Variants in PANK1 observed in about 807,000 individuals in gnomAD.
PANK1 encodes the protein pantothenic acid kinase 1.
In PANK1, 18 loss-of-function variants were observed where a neutral mutation model predicts 40.1. That is an observed-to-expected ratio of 0.45 (90% CI 0.31 to 0.67). The LOEUF is 0.67. PANK1 is among the 30% of genes least tolerant of loss of function. The probability of loss-of-function intolerance (pLI) is 0.06; values close to 1 mark genes in which losing one functional copy is unlikely to be tolerated. For missense variants in PANK1, 457 were observed against 599.6 expected, an observed-to-expected ratio of 0.76 and a Z score of 2.48; for synonymous variants, 242 against 237.7, an observed-to-expected ratio of 1.02 and a Z score of -0.17.
chr10:89,635,141 T>TAGAG (rs567527672), intron 1 of PANK1, among the ~76,000 whole-genome samples: 1 of 148,756 alleles, frequency 6.7e-6, no homozygotes, highest in Admixed American at 6.7e-5. Flanking sequence ...TATATATATA[T>TAGAG]ATAGAGAGAG....
chr10:89,619,554 A>G (rs1283682446), intron 1 of PANK1, among the ~76,000 whole-genome samples: 1 of 152,178 alleles, frequency 6.6e-6, no homozygotes, highest in East Asian at 1.9e-4. Context: ...GTGAGGCACA[A>G]GTGTTCCTGG....
At chr10:89,622,482 T>G (rs1043562152) in intron 1 of PANK1, among the ~76,000 whole-genome samples, 1 of 152,168 alleles carries the variant, frequency 6.6e-6, no homozygotes, top group Non-Finnish European at 1.5e-5. Flanking sequence ...CTTTGATATG[T>G]TGGTTCTATT....
chr10:89,615,434 CCTCCTGCTTCAT>C (rs1205650748), intron 1 of PANK1, among the ~76,000 whole-genome samples: 12 of 152,240 alleles, frequency 7.9e-5, no homozygotes, highest in Non-Finnish European at 1.6e-4. Context: ...CTGGTTCCTT[CCTCCTGCTTCAT>C]CTCCTGCTCT....
chr10:89,616,920 CA>C (rs937915055), intron 1 of PANK1, among the ~76,000 whole-genome samples: 1 of 150,452 alleles, frequency 6.6e-6, no homozygotes, highest in African/African-American at 2.5e-5. Flanking sequence ...GACTCCATCT[CA>C]AAAAAAGAGT....
intron 3 of PANK1, among the ~76,000 whole-genome samples, chr10:89,597,455 G>A (rs1844645850): frequency 6.6e-6 from 1 of 152,154 alleles, no homozygotes; most frequent in South Asian, 2.1e-4. Flanking sequence ...AGTTTATAGG[G>A]AAGCTTGAAC....
chr10:89,622,356 T>C (rs1190732661), intron 1 of PANK1, among the ~76,000 whole-genome samples: 1 of 152,180 alleles, frequency 6.6e-6, no homozygotes, highest in African/African-American at 2.4e-5. Flanking sequence ...ATAAGGTAAT[T>C]ACCCAGTGTT....
In PANK1 at chr10:89,583,099, A is replaced by G. The variant is rs943164646; in HGVS notation, c.*1307T>C. 1 of 152,194 alleles carries G rather than the reference A, an allele frequency of 6.6e-6. No individual in the cohort carries two copies. Among genetic ancestry groups the G allele is most frequent in the Non-Finnish European group, 1.5e-5 (1 of 68,010 alleles). The allele number at this position is 152,194 out of a possible 1,614,324, so 9.4% of individuals were successfully genotyped here. A position where few individuals can be genotyped will look rare whatever the true frequency, so the allele number is the denominator to read the frequency against. On this transcript the variant is annotated 3_prime_UTR_variant, in exon 7 of 7. Coordinates refer to ENST00000307534, the MANE Select transcript of PANK1 (RefSeq NM_148977.3). ...TAAAGACGGTGCTCAGAAGGCAGAG[A>G]AAGGAAGATTCATCATGGAGTAATT...
chr10:89,595,816 TAAAAAAAAAAAAA>T (rs1192374008), intron 3 of PANK1, among the ~76,000 whole-genome samples: 1 of 40,888 alleles, frequency 2.4e-5, no homozygotes, highest in Admixed American at 3.5e-4. Flanking sequence ...GACTCCATCT[TAAAAAAAAAAAAA>T]AAAAATATAT....
intron 6 of PANK1, among the ~76,000 whole-genome samples, chr10:89,586,745 T>C (rs1299206978): frequency 6.6e-6 from 1 of 152,238 alleles, no homozygotes; most frequent in Non-Finnish European, 1.5e-5. Context: ...TGATAGCTCA[T>C]TGCAGCACTG....
chr10:89,611,182 C>T (rs1845140766), intron 2 of PANK1, among the ~76,000 whole-genome samples: 1 of 152,128 alleles, frequency 6.6e-6, no homozygotes, highest in Non-Finnish European at 1.5e-5. Context: ...AGTAATATTA[C>T]AGATTTCATT....
chr10:89,644,631 C>T lies in PANK1; in HGVS notation c.261G>A (p.Arg87=), dbSNP rs201927435. 24,446 of 1,587,314 alleles carry T rather than the reference C, an allele frequency of 0.015. 218 individuals carry two copies. Among genetic ancestry groups the T allele is most frequent in the Non-Finnish European group, 0.019 (22,039 of 1,172,192 alleles). Residue 87 remains arginine, a synonymous_variant, in exon 1 of 7, where the codon AGG becomes AGA. Transcript: ENST00000307534. The part of the protein sequence containing the change: ...DSPAKKCRLR[R]RMDSGRKNRP... Reference sequence around the variant, plus strand: ...TGTTCTTTCTCCCCGAGTCCATCCTCCTCCGCAGCCGGCATTTCTTGGCCG... The same window carrying T: ...TGTTCTTTCTCCCCGAGTCCATCCTTCTCCGCAGCCGGCATTTCTTGGCCG...
intron 1 of PANK1, among the ~76,000 whole-genome samples, chr10:89,633,897 T>C (rs1302921851): frequency 6.6e-6 from 1 of 152,170 alleles, no homozygotes; most frequent in African/African-American, 2.4e-5. Context: ...CTTAAATACT[T>C]GTCAGCAACC....
intron 2 of PANK1, among the ~76,000 whole-genome samples, chr10:89,608,231 C>T (rs1033042262): frequency 1.3e-5 from 2 of 151,990 alleles, no homozygotes; most frequent in African/African-American, 2.4e-5. Context: ...CGGGGTTTCA[C>T]CGTGTTAGCC....
chr10:89,636,429 C>T (rs542488702), intron 1 of PANK1, among the ~76,000 whole-genome samples: 7 of 151,952 alleles, frequency 4.6e-5, no homozygotes, highest in Admixed American at 2.0e-4. Flanking sequence ...CTCGGCCCCC[C>T]GGGGTGCACG....
intron 6 of PANK1, among the ~76,000 whole-genome samples, chr10:89,586,727 A>G (rs1844206760): frequency 6.6e-6 from 1 of 152,168 alleles, no homozygotes. Flanking sequence ...GAGATTAGAT[A>G]CCTCCAGTGA....
chr10:89,616,343 C>A (rs1374171925), intron 1 of PANK1, among the ~76,000 whole-genome samples: 3 of 152,174 alleles, frequency 2.0e-5, no homozygotes, highest in African/African-American at 7.2e-5. Flanking sequence ...AAAATGTTCA[C>A]TGCAGTGATT....
intron 6 of PANK1, among the ~76,000 whole-genome samples, 174 bp downstream of exon 6, chr10:89,588,478 G>GTTATATATATATATATAT (rs1303105094): frequency 1.3e-5 from 2 of 152,106 alleles, no homozygotes; most frequent in Non-Finnish European, 2.9e-5. Flanking sequence ...CTGGTTGTTG[G>GTTATATATATATATATAT]ATAAGAACGC....
chr10:89,595,752 G>A (rs1844547418), intron 3 of PANK1, among the ~76,000 whole-genome samples: 2 of 145,344 alleles, frequency 1.4e-5, no homozygotes, highest in Admixed American at 1.4e-4. Context: ...CCCTGGTGGA[G>A]GCTGTAGTGA....
In PANK1 at chr10:89,593,795, T is replaced by C; in HGVS notation, c.1076+18A>G. 1 of 1,596,986 alleles carries C rather than the reference T, an allele frequency of 6.3e-7. No homozygotes were observed. The highest frequency in any genetic ancestry group is 8.6e-7 in the Non-Finnish European group (1 of 1,164,728). Reference sequence around the variant, plus strand: ...CCTTGTGTTTAATCACTACTGCTCCTAGCTACTTAATCTCTACCTTGATGC... The same window carrying C: ...CCTTGTGTTTAATCACTACTGCTCCCAGCTACTTAATCTCTACCTTGATGC... On this transcript the variant is annotated intron_variant, in intron 4 of 6. Transcript: ENST00000307534.
Sources: gnomAD v4.1 joint callset for allele counts (sites outside exome capture counted in the v4.1 genomes callset) on GRCh38, gnomAD v4.1.1 for gene constraint, MANE v1.5 for transcripts, NCBI Gene and HGNC (gene_info 2026-07-23, HGNC 2026-07-21) for gene names.